The following NAV2 variants were observed in gnomAD, a reference collection of about 807,000 sequenced individuals.
NAV2 encodes the protein neuron navigator 2, also known as helicase, APC down-regulated 1.
Under a neutral mutation model 223.2 loss-of-function variants are expected in NAV2, and 54 were observed. That is an observed-to-expected ratio of 0.24 (90% CI 0.19 to 0.30). NAV2 has a LOEUF of 0.30. Ranked by LOEUF, NAV2 falls within the 10% of genes least tolerant of loss-of-function variation. The pLI is 1.00. For missense variants in NAV2, 2,806 were observed against 3,147.5 expected (o/e 0.89, Z 2.60); for synonymous variants, 1,279 against 1,239.3 (o/e 1.03, Z -0.67).
At chr11:20,042,213 A>G (rs1287648795) in intron 12 of NAV2, among the ~76,000 whole-genome samples, 1 of 152,258 alleles carries the variant, frequency 6.6e-6, no homozygotes, top group Admixed American at 6.5e-5. Flanking sequence ...AGATTGAGAT[A>G]AAGATAACAG....
intron 1 of NAV2, among the ~76,000 whole-genome samples, chr11:19,415,550 T>A (rs942685656): frequency 6.6e-6 from 1 of 152,218 alleles, no homozygotes; most frequent in Admixed American, 6.5e-5. Flanking sequence ...TCTGAAACTA[T>A]TCCAAACAGT....
intron 11 of NAV2, among the ~76,000 whole-genome samples, chr11:20,017,092 C>T (rs1318990099): frequency 1.3e-5 from 2 of 152,046 alleles, no homozygotes; most frequent in East Asian, 3.9e-4. Context: ...GGTCCTAATT[C>T]CCAGAAAAGA....
Position 19,837,757 on chromosome 11 carries a change from A to G in NAV2, c.386-5114A>G, listed in dbSNP as rs528842390. Among the ~76,000 whole-genome samples the G allele has an allele frequency of 4.6e-5, 7 of 152,344 alleles. No individual in the cohort carries two copies. In the East Asian group the frequency reaches 1.4e-3, roughly 29 times the overall value. On this transcript the variant is annotated intron_variant, in intron 2 of 37. Transcript: ENST00000349880. The stretch of plus-strand genomic sequence containing the variant: ...CTGAGAAACTGTTCCAGGATGAAGG[A>G]GACTAAAGAGATGTGACAGCTAAAT...
chr11:19,407,099 G>A (rs1015401840), intron 1 of NAV2, among the ~76,000 whole-genome samples: 4 of 152,226 alleles, frequency 2.6e-5, no homozygotes, highest in Non-Finnish European at 5.9e-5. Context: ...GGATGTGTGT[G>A]TGGCCCACTT....
intron 37 of NAV2, 113 bp from the exon 38 acceptor site, chr11:20,118,020 C>T: frequency 1.6e-6 from 2 of 1,231,166 alleles, no homozygotes; most frequent in South Asian, 2.8e-5. Context: ...ACTGCCTCCA[C>T]TGTGGGCTGT....
intron 1 of NAV2, among the ~76,000 whole-genome samples, chr11:19,526,753 G>T (rs928402999): frequency 6.6e-6 from 1 of 152,064 alleles, no homozygotes; most frequent in Admixed American, 6.6e-5. Context: ...CCACTGGCTT[G>T]GCAACCCCTT....
intron 6 of NAV2, among the ~76,000 whole-genome samples, chr11:19,901,939 G>A (rs1261655358): frequency 6.6e-6 from 1 of 152,158 alleles, no homozygotes; most frequent in African/African-American, 2.4e-5. Flanking sequence ...GTCTAAATAG[G>A]GAAGCAGAGG....
intron 4 of NAV2, among the ~76,000 whole-genome samples, chr11:19,872,780 G>A (rs1413232245): frequency 6.6e-6 from 1 of 152,232 alleles, no homozygotes; most frequent in Non-Finnish European, 1.5e-5. Context: ...CGGATGCTTG[G>A]GGGCAGAGGC....
At chr11:19,427,504 A>G (rs982165798) in intron 1 of NAV2, among the ~76,000 whole-genome samples, 2 of 152,234 alleles carry the variant, frequency 1.3e-5, no homozygotes, top group Non-Finnish European at 1.5e-5. Flanking sequence ...TCTCACTTTC[A>G]TCTTCAGAAT....
rs947928778 is a variant in NAV2, at chr11:19,530,253, C to T, written c.75+179226C>T. On this transcript the variant is annotated intron_variant, in intron 1 of 37. Transcript: ENST00000360655. ...GGAGGTAGCTGTAGTTACAGGACAGCCTTTGCAAGCTCCTACCACTGTGTG... is the reference window on the plus strand; with the variant it reads ...GGAGGTAGCTGTAGTTACAGGACAGTCTTTGCAAGCTCCTACCACTGTGTG... 3.9e-5 allele frequency among the ~76,000 whole-genome samples: 6 copies of T among 152,150 alleles called. No individual in the cohort carries two copies. The South Asian group carries it at 1.2e-3, about 32-fold the overall frequency.
At chr11:19,637,141 G>T (rs919976882) in intron 1 of NAV2, among the ~76,000 whole-genome samples, 3 of 152,092 alleles carry the variant, frequency 2.0e-5, no homozygotes, top group Non-Finnish European at 4.4e-5. Flanking sequence ...CCACAGCCTG[G>T]GTTCTTGGGA....
In NAV2 at chr11:20,016,734, G is replaced by A. The variant is rs915118365; in HGVS notation, c.2769-19225G>A. ...AATAGGGCCAGGTGCAGTGACTCACGCCTGTAATTCCAGCACCTTGGGAGG... is the reference window on the plus strand; with the variant it reads ...AATAGGGCCAGGTGCAGTGACTCACACCTGTAATTCCAGCACCTTGGGAGG... On this transcript the variant is annotated intron_variant, in intron 11 of 37. Coordinates refer to ENST00000349880, the MANE Select transcript of NAV2 (RefSeq NM_145117.5). Among the ~76,000 whole-genome samples, 6 of 152,098 alleles carry A rather than the reference G, an allele frequency of 3.9e-5. No homozygotes were observed. The East Asian group carries it at 5.8e-4, about 15-fold the overall frequency.
In NAV2 at chr11:19,843,394, G is replaced by A. The variant is rs986819102; in HGVS notation, c.438+471G>A. 2.0e-5 allele frequency among the ~76,000 whole-genome samples: 3 copies of A among 152,218 alleles called. No homozygotes were observed. The East Asian group carries it at 5.8e-4, about 29-fold the overall frequency. On this transcript the variant is annotated intron_variant, in intron 3 of 37. Transcript: ENST00000349880. ...AGAACTGTGACAGGAAATGTGAAAT[G>A]TGCAGTCACATCTGAAGCTTTTCAA...
chr11:19,792,614 A>G (rs1016363050), intron 1 of NAV2, among the ~76,000 whole-genome samples: 1 of 152,002 alleles, frequency 6.6e-6, no homozygotes, highest in African/African-American at 2.4e-5. Flanking sequence ...CAATTACAGA[A>G]CTCACTCAGA....
At chr11:20,009,452 T>C (rs1368809976) in intron 11 of NAV2, among the ~76,000 whole-genome samples, 3 of 152,246 alleles carry the variant, frequency 2.0e-5, no homozygotes, top group Non-Finnish European at 4.4e-5. Context: ...GATAGTGTTA[T>C]GATTTACAGC....
At chr11:19,393,403 G>A (rs1481672865) in intron 1 of NAV2, among the ~76,000 whole-genome samples, 1 of 152,216 alleles carries the variant, frequency 6.6e-6, no homozygotes, top group Non-Finnish European at 1.5e-5. Context: ...CAGCTGTTAA[G>A]TAAATTGGTC....
At chr11:19,364,246 G>A (rs766770641) in intron 1 of NAV2, among the ~76,000 whole-genome samples, 3 of 152,152 alleles carry the variant, frequency 2.0e-5, no homozygotes, top group Non-Finnish European at 4.4e-5. Flanking sequence ...TATCACTCAG[G>A]AAATTCCAAG....
At chr11:19,582,734 T>A (rs956328884) in intron 1 of NAV2, among the ~76,000 whole-genome samples, 101 of 152,382 alleles carry the variant, frequency 6.6e-4, no homozygotes, top group Middle Eastern at 3.4e-3. Flanking sequence ...TATCTCTGTT[T>A]TGGTACCAGT....
chr11:19,513,160 T>G (rs1481094400), intron 1 of NAV2, among the ~76,000 whole-genome samples: 1 of 152,182 alleles, frequency 6.6e-6, no homozygotes, highest in African/African-American at 2.4e-5. Context: ...GCTGCAGCAA[T>G]GGTGATGTTA....
Sources: gnomAD v4.1 joint callset for allele counts (sites outside exome capture counted in the v4.1 genomes callset) on GRCh38, gnomAD v4.1.1 for gene constraint, MANE v1.5 for transcripts, NCBI Gene and HGNC (gene_info 2026-07-23, HGNC 2026-07-21) for gene names.